The following MAD1L1 variants were observed in gnomAD, a reference collection of about 807,000 sequenced individuals.
The protein encoded by MAD1L1 is mitotic spindle assembly checkpoint protein MAD1.
A neutral mutation model predicts 96.9 loss-of-function variants in MAD1L1; 95 were observed. That is an observed-to-expected ratio of 0.98 (90% CI 0.83 to 1.16). MAD1L1 has a LOEUF of 1.16. Among genes scored for constraint, MAD1L1 ranks in the 50% most tolerant of loss-of-function variants. The pLI is 0.00. For synonymous variants in MAD1L1, 473 were observed against 396.6 expected (o/e 1.19, Z -2.29); for missense variants, 1,007 against 954.4 (o/e 1.06, Z -0.73).
intron 18 of MAD1L1, among the ~76,000 whole-genome samples, chr7:1,841,223 TCCCC>T (rs202015438): frequency 0.015 from 2,258 of 152,252 alleles, 53 homozygotes; most frequent in African/African-American, 0.051. Context: ...GTTAAAAATA[TCCCC>T]GTAAGTGACA....
intron 17 of MAD1L1, among the ~76,000 whole-genome samples, chr7:1,901,599 G>A (rs923934984): frequency 6.6e-5 from 10 of 152,220 alleles, no homozygotes; most frequent in Admixed American, 2.6e-4. Flanking sequence ...AGCCCGGCTC[G>A]CTGTGTGCTC....
chr7:2,051,974 C>T (rs1784200144), intron 12 of MAD1L1, among the ~76,000 whole-genome samples: 2 of 152,180 alleles, frequency 1.3e-5, no homozygotes, highest in Non-Finnish European at 2.9e-5. Context: ...CTCTGGGAAG[C>T]GTGTTGGGAA....
chr7:1,833,060 C>T (rs1195053132), intron 18 of MAD1L1, among the ~76,000 whole-genome samples: 12 of 152,228 alleles, frequency 7.9e-5, no homozygotes, highest in Middle Eastern at 3.4e-3. Context: ...GCTAAAGGTT[C>T]GGGTGATCAT....
intron 15 of MAD1L1, among the ~76,000 whole-genome samples, chr7:1,976,085 T>G (rs999130613): frequency 2.6e-5 from 4 of 152,212 alleles, no homozygotes; most frequent in Non-Finnish European, 5.9e-5. Flanking sequence ...CGATGCTATG[T>G]GATACATGTC....
At chr7:1,822,780 T>C (rs1205515129) in intron 18 of MAD1L1, among the ~76,000 whole-genome samples, 2 of 150,608 alleles carry the variant, frequency 1.3e-5, no homozygotes, top group African/African-American at 4.9e-5. Context: ...AAAATGTATA[T>C]AGAAAGCAAT....
At chr7:1,999,514 A>G (rs755727402) in intron 14 of MAD1L1, among the ~76,000 whole-genome samples, 1 of 152,126 alleles carries the variant, frequency 6.6e-6, no homozygotes, top group Admixed American at 6.5e-5. Context: ...CTGACGCCCA[A>G]CCTGGCTCCA....
intron 10 of MAD1L1, among the ~76,000 whole-genome samples, chr7:2,149,702 G>T (rs542156933): frequency 3.9e-4 from 59 of 152,342 alleles, no homozygotes; most frequent in African/African-American, 1.3e-3. Flanking sequence ...GATTGTCTCA[G>T]TGAATGCCCC....
chr7:2,140,290 A>G (rs1337998440), intron 11 of MAD1L1, among the ~76,000 whole-genome samples: 1 of 151,680 alleles, frequency 6.6e-6, no homozygotes, highest in Non-Finnish European at 1.5e-5. Context: ...TGACTCCAGC[A>G]CCCCTCCAGC....
At chr7:2,107,758 C>A (rs566893152) in intron 11 of MAD1L1, 1 of 152,266 alleles carries the variant, frequency 6.6e-6, no homozygotes, top group Non-Finnish European at 1.5e-5. Context: ...ATAATTTCAA[C>A]GCACTTCCTA....
intron 10 of MAD1L1, among the ~76,000 whole-genome samples, chr7:2,197,273 G>A (rs866383734): frequency 6.6e-6 from 1 of 152,100 alleles, no homozygotes; most frequent in Non-Finnish European, 1.5e-5. Context: ...ATCTCTTCAG[G>A]AGCCACGCTT....
chr7:2,162,618 C>T (rs1221160877), intron 10 of MAD1L1, among the ~76,000 whole-genome samples: 4 of 137,894 alleles, frequency 2.9e-5, no homozygotes, highest in Non-Finnish European at 6.3e-5. Context: ...AAAAAACCAA[C>T]TTAAAGGGGT....
At chr7:2,023,545 T>A (rs1320948867) in intron 12 of MAD1L1, among the ~76,000 whole-genome samples, 1 of 152,158 alleles carries the variant, frequency 6.6e-6, no homozygotes, top group Admixed American at 6.5e-5. Context: ...AGAGGAAAAT[T>A]TATAGCATTG....
At chr7:1,960,859 ACT>A (rs1779924130) in intron 15 of MAD1L1, among the ~76,000 whole-genome samples, 1 of 152,224 alleles carries the variant, frequency 6.6e-6, no homozygotes, top group South Asian at 2.1e-4. Context: ...GAGCACTTGA[ACT>A]ATGTACCAAG....
chr7:2,181,615 C>G (rs913843477), intron 10 of MAD1L1, among the ~76,000 whole-genome samples: 3 of 152,164 alleles, frequency 2.0e-5, no homozygotes, highest in Non-Finnish European at 2.9e-5. Flanking sequence ...ACAATCACTA[C>G]AGAAAACAGT....
At chr7:2,166,939 G>A (rs1790456946) in intron 10 of MAD1L1, among the ~76,000 whole-genome samples, 1 of 152,372 alleles carries the variant, frequency 6.6e-6, no homozygotes, top group Admixed American at 6.5e-5. Context: ...CTTCCAGGAA[G>A]GGCCCCGGGC....
intron 16 of MAD1L1, among the ~76,000 whole-genome samples, chr7:1,943,418 T>C (rs1227984352): frequency 6.6e-6 from 1 of 152,016 alleles, no homozygotes; most frequent in Non-Finnish European, 1.5e-5. Context: ...AGTGTCACAA[T>C]AGGCAAGGCG....
intron 11 of MAD1L1, among the ~76,000 whole-genome samples, chr7:2,081,604 T>C (rs1562668464): frequency 6.6e-6 from 1 of 152,136 alleles, no homozygotes; most frequent in Admixed American, 6.5e-5. Context: ...ATGCACCCCT[T>C]CACTCCCTCG....
intron 18 of MAD1L1, among the ~76,000 whole-genome samples, chr7:1,865,824 T>A (rs1221696688): frequency 1.3e-5 from 2 of 152,206 alleles, no homozygotes; most frequent in African/African-American, 4.8e-5. Flanking sequence ...TGGCAGCCCC[T>A]CCTGCTTGCA....
At position 1,936,764 on chromosome 7, in the gene MAD1L1, G is replaced by C; in HGVS notation, c.1730C>G (p.Ala577Gly). 2 of 1,571,546 alleles carry C rather than the reference G, an allele frequency of 1.3e-6. No homozygotes were observed. The highest frequency in any genetic ancestry group is 1.9e-5 in the Admixed American group (1 of 53,674). Residue 577 changes from alanine to glycine, a missense_variant, in exon 17 of 19, where the codon GCC (alanine) becomes GGC (glycine). Ala to Gly is a moderately conservative substitution (Grantham distance 60). Coordinates refer to ENST00000265854, the MANE Select transcript of MAD1L1 (RefSeq NM_001013836.2). Reference protein sequence around the residue: ...ECERLRGLLRAMERGGTVPAD... With the variant: ...ECERLRGLLRGMERGGTVPAD... The stretch of plus-strand genomic sequence containing the variant: ...TGGGACGGTGCCTCCTCTCTCCATG[G>C]CGCGCAGGAGCCCGCGCAGTCGCTC...
Sources: allele counts gnomAD v4.1 joint callset (sites outside exome capture counted in the v4.1 genomes callset), GRCh38; gene constraint gnomAD v4.1.1; transcripts MANE v1.5; gene names NCBI Gene and HGNC (gene_info 2026-07-23, HGNC 2026-07-21).